The following APC variants were observed in gnomAD, a reference collection of about 807,000 sequenced individuals.
APC encodes adenomatous polyposis coli protein.
A neutral mutation model predicts 247.0 loss-of-function variants in APC; 72 were observed. The observed-to-expected ratio is 0.29, with a 90% CI of 0.24 to 0.35. The LOEUF (loss-of-function observed/expected upper bound fraction) is 0.35, where lower values mean the gene tolerates loss of function less well. APC is among the 10% of genes least tolerant of loss of function. The probability of loss-of-function intolerance (pLI) is 1.00; values close to 1 mark genes in which losing one functional copy is unlikely to be tolerated. For synonymous variants in APC, 1,254 were observed against 1,162.5 expected (o/e 1.08, Z -1.60); for missense variants, 3,400 against 3,360.7 (o/e 1.01, Z -0.29).
In APC at chr5:112,800,382, A is replaced by G. The variant is rs181610058; in HGVS notation, c.730-897A>G. Among the ~76,000 whole-genome samples the G allele has an allele frequency of 2.8e-3, 423 of 152,300 alleles. 2 individuals carry two copies. Among genetic ancestry groups the G allele is most frequent in the Admixed American group, 5.7e-3 (87 of 15,290 alleles). On this transcript the variant is annotated intron_variant, in intron 7 of 15. Transcript: ENST00000257430. ...TACTGAGTGCTACCTCACTTTTGCCAGCATATAACTGATACTAGTTTATTG... is the reference window on the plus strand; with the variant it reads ...TACTGAGTGCTACCTCACTTTTGCCGGCATATAACTGATACTAGTTTATTG...
At chr5:112,725,201 G>GATTC (rs1411887053) in intron 1 of APC, among the ~76,000 whole-genome samples, 1 of 152,056 alleles carries the variant, frequency 6.6e-6, no homozygotes, top group Non-Finnish European at 1.5e-5. Flanking sequence ...TCAAACTACT[G>GATTC]ACCTCAGGTG....
At chr5:112,753,876 T>A (rs546379920) in intron 1 of APC, among the ~76,000 whole-genome samples, 1 of 152,344 alleles carries the variant, frequency 6.6e-6, no homozygotes, top group East Asian at 1.9e-4. Context: ...TTTTTAGCTA[T>A]TAAGTAATTA....
At chr5:112,737,977 G>A (rs1050027210) in intron 1 of APC, 52 bp downstream of exon 1, 1 of 966,158 alleles carries the variant, frequency 1.0e-6, no homozygotes, top group Non-Finnish European at 1.2e-6. Flanking sequence ...AGGGGGGAAG[G>A]TGGTTTTCCC....
chr5:112,743,332 C>T (rs1462880604), intron 1 of APC, among the ~76,000 whole-genome samples: 2 of 152,160 alleles, frequency 1.3e-5, no homozygotes, highest in Non-Finnish European at 2.9e-5. Flanking sequence ...TTCCTTTAGC[C>T]ACATAAGGTA....
chr5:112,785,148 CTTTG>C (rs1489880182), intron 6 of APC, among the ~76,000 whole-genome samples: 3 of 152,122 alleles, frequency 2.0e-5, no homozygotes, highest in African/African-American at 4.8e-5. Context: ...TATTATTTAA[CTTTG>C]TTTGACAGGC....
rs587781419 is a variant in APC, at chr5:112,837,902, T to C, written c.2308T>C (p.Ser770Pro). The C allele has an allele frequency of 2.3e-5, 37 of 1,614,032 alleles. No homozygotes were observed. The highest frequency in any genetic ancestry group is 3.1e-5 in the Non-Finnish European group (37 of 1,180,038). ...AGCAGAATTAGATGCTCAGCACTTATCAGAAACTTTTGACAATATAGACAA... is the reference window on the plus strand; with the variant it reads ...AGCAGAATTAGATGCTCAGCACTTACCAGAAACTTTTGACAATATAGACAA... ...LEAELDAQHL[S>P]ETFDNIDNLS... Residue 770 changes from serine (S) to proline (P), a missense_variant, in exon 16 of 16, where the codon TCA (serine) becomes CCA (proline). This residue lies in a region of APC where 91 missense variants were observed against 103.3 expected (regional missense o/e 0.88). Transcript: ENST00000257430.
chr5:112,845,978 C>T lies in APC; in HGVS notation c.*1852C>T, dbSNP rs984529705. On this transcript the variant is annotated 3_prime_UTR_variant, in exon 16 of 16. Transcript: ENST00000257430. ...CAAGTAGTTAATTATCTACCCCTTA[C>T]CTGTGTTTATAACTTCCAGGTAATG... is the stretch of plus-strand genomic sequence containing the variant. The T allele has an allele frequency of 3.0e-5, 7 of 232,084 alleles. No homozygotes were observed. The highest frequency in any genetic ancestry group is 1.5e-4 in the African/African-American group (7 of 45,368). 14.4% of individuals were successfully genotyped at this position (232,084 alleles called of 1,614,324 possible). A position where few individuals can be genotyped will look rare whatever the true frequency, so the allele number is the denominator to read the frequency against.
chr5:112,839,264 A>C lies in APC; in HGVS notation c.3670A>C (p.Asn1224His). The change falls in exon 16 of 16, where the codon AAT becomes CAT. Residue 1224 changes from asparagine to histidine, a missense_variant. Asn to His is a moderately conservative substitution (Grantham distance 68). This residue lies in a region of APC where 715 missense variants were observed against 656.6 expected (regional missense o/e 1.09). Transcript: ENST00000257430. The surrounding 1 kb of genome is among the most constrained non-coding windows in gnomAD (Gnocchi z 5.0). ...SSENTSTPSS[N>H]AKRQNQLHPS... ...TGAGAATACGTCCACACCTTCATCT[A>C]ATGCCAAGAGGCAGAATCAGCTCCA... 1 of 1,614,172 alleles carries C rather than the reference A, an allele frequency of 6.2e-7. No homozygotes were observed. The highest frequency in any genetic ancestry group is 8.5e-7 in the Non-Finnish European group (1 of 1,180,024).
chr5:112,707,736 T>G lies in APC; in HGVS notation c.19T>G (p.Ser7Ala), dbSNP rs2149630527. 10 of 1,370,604 alleles carry G rather than the reference T, an allele frequency of 7.3e-6. No homozygotes were observed. The highest frequency in any genetic ancestry group is 9.6e-6 in the Non-Finnish European group (10 of 1,038,774). 84.9% of individuals were successfully genotyped at this position (1,370,604 alleles called of 1,614,324 possible). A position where few individuals can be genotyped will look rare whatever the true frequency, so the allele number is the denominator to read the frequency against. ...GCCCCCTATGTACGCCTCCCTGGGC[T>G]CGGGTCCGGTCGCCCCTTTGCCCGC... Residue 7 changes from serine to alanine, a missense_variant, in exon 1 of 14, where the codon TCG (serine) becomes GCG (alanine). Physicochemically the swap from Ser to Ala is moderately conservative, Grantham distance 99. Transcript: ENST00000507379.
chr5:112,763,331 A>T (rs9647583), intron 2 of APC, among the ~76,000 whole-genome samples: 2 of 150,720 alleles, frequency 1.3e-5, no homozygotes, highest in Non-Finnish European at 2.9e-5. Flanking sequence ...CATTTATGCA[A>T]ACTTGCATTT....
rs1321823265 is a variant in APC at position 112,846,184 on chromosome 5, A to G, written c.*2058A>G. 1 of 231,600 alleles carries G rather than the reference A, an allele frequency of 4.3e-6. No homozygotes were observed. The highest frequency in any genetic ancestry group is 2.2e-5 in the African/African-American group (1 of 45,280). The allele number at this position is 231,600 out of a possible 1,614,324, so 14.3% of individuals were successfully genotyped here. A position where few individuals can be genotyped will look rare whatever the true frequency, so the allele number is the denominator to read the frequency against. ...AAATGTTATCTGAAATTGTCTATGA[A>G]TACCATCTACTTCTGTTGTTTTCCC... is the stretch of plus-strand genomic sequence containing the variant. On this transcript the variant is annotated 3_prime_UTR_variant, in exon 16 of 16. Transcript: ENST00000257430.
chr5:112,722,504 C>T (rs1240602621), intron 1 of APC, among the ~76,000 whole-genome samples: 1 of 152,098 alleles, frequency 6.6e-6, no homozygotes, highest in Non-Finnish European at 1.5e-5. Context: ...CACTGTCTAT[C>T]CAGAAATACC....
Position 112,840,484 on chromosome 5 carries a change from T to C in APC, c.4890T>C (p.Val1630=), listed in dbSNP as rs753384326. Residue 1630 remains valine, a synonymous_variant, in exon 16 of 16, where the codon GTT becomes GTC. Transcript: ENST00000257430. This position sits in a 1 kb window ranked among gnomAD's most constrained non-coding sequence, Gnocchi z 4.1. The stretch of plus-strand genomic sequence containing the variant: ...ACAGGTTGCAACCCCAAAAGCATGT[T>C]AGTTTTACACCGGGGGATGATATGC... ...SQNRLQPQKH[V]SFTPGDDMPR... 6.2e-7 allele frequency: 1 copy of C among 1,614,168 alleles called. No individual in the cohort carries two copies. The highest frequency in any genetic ancestry group is 1.1e-5 in the South Asian group (1 of 91,088).
chr5:112,779,996 A>G (rs531935916), intron 5 of APC, among the ~76,000 whole-genome samples: 14 of 152,298 alleles, frequency 9.2e-5, no homozygotes, highest in African/African-American at 3.1e-4. Context: ...ATGGCCCATT[A>G]TAAGTCTGTT....
rs769834352 is a variant in APC, at chr5:112,843,155, A to C, written c.7561A>C (p.Arg2521=). Residue 2521 remains arginine (R), a synonymous_variant, in exon 16 of 16, where the codon AGA becomes CGA. Coordinates refer to ENST00000257430, the MANE Select transcript of APC (RefSeq NM_000038.6). The surrounding 1 kb of genome is among the most constrained non-coding windows in gnomAD (Gnocchi z 4.8). The part of the protein sequence containing the change: ...LSPTIEYNDG[R]PAKRHDIARS... ...TCCCACTATAGAGTATAATGATGGA[A>C]GACCAGCAAAGCGCCATGATATTGC... 2.5e-6 allele frequency: 4 copies of C among 1,613,836 alleles called. No homozygotes were observed. In the South Asian group the frequency reaches 4.4e-5, roughly 18 times the overall value.
chr5:112,713,688 G>A (rs1750992612), intron 1 of APC, among the ~76,000 whole-genome samples: 1 of 152,136 alleles, frequency 6.6e-6, no homozygotes, highest in Admixed American at 6.5e-5. Context: ...TATTTTCTGA[G>A]AGAGAGTCTC....
chr5:112,740,785 C>G (rs886483726), intron 1 of APC, among the ~76,000 whole-genome samples: 1 of 152,068 alleles, frequency 6.6e-6, no homozygotes, highest in Non-Finnish European at 1.5e-5. Context: ...CTCAGCCTCC[C>G]AAAGTGCTGG....
rs2149980300 is a variant in APC, at chr5:112,842,707, A to C, written c.7113A>C (p.Arg2371Ser). The C allele has an allele frequency of 6.2e-7, 1 of 1,613,644 alleles. No homozygotes were observed. The highest frequency in any genetic ancestry group is 2.2e-5 in the East Asian group (1 of 44,876). The change falls in exon 16 of 16, where the codon AGA becomes AGC. Residue 2371 changes from arginine (R) to serine (S), a missense_variant. Arg to Ser is a moderately radical substitution (Grantham distance 110, BLOSUM62 -1). Around this residue, in one of 9 missense-constraint regions of APC, gnomAD observed 1,788 missense variants for 1,649.5 expected, o/e 1.08. Transcript: ENST00000257430. ...AAATGTCATATACATCTCCAGGTAG[A>C]CAGATGAGCCAACAGAACCTTACCA... ...SGKMSYTSPG[R>S]QMSQQNLTKQ... is the part of the protein sequence containing the mutation.
intron 9 of APC, among the ~76,000 whole-genome samples, chr5:112,815,930 T>A (rs777879594): frequency 6.6e-6 from 1 of 152,178 alleles, no homozygotes; most frequent in Non-Finnish European, 1.5e-5. Flanking sequence ...CACAGTCTCT[T>A]GAAGAAATTA....
Sources: gnomAD v4.1 joint callset for allele counts (sites outside exome capture counted in the v4.1 genomes callset) on GRCh38, gnomAD v4.1.1 for gene constraint, gnomAD v4.1.1 regional missense constraint, Gnocchi (gnomAD v3.1) non-coding constraint, MANE v1.5 for transcripts, NCBI Gene and HGNC (gene_info 2026-07-23, HGNC 2026-07-21) for gene names.